The following PSD3 variants were observed in gnomAD, a reference collection of about 807,000 sequenced individuals.
PSD3 encodes PH and SEC7 domain-containing protein 3.
In PSD3, 49 loss-of-function variants were observed where a neutral mutation model predicts 105.5. The observed-to-expected ratio is 0.46, with a 90% CI of 0.37 to 0.59. The LOEUF (loss-of-function observed/expected upper bound fraction) is 0.59, where lower values mean the gene tolerates loss of function less well. Among genes scored for constraint, PSD3 ranks in the 20% least tolerant of loss-of-function variants. PSD3 has a pLI of 0.00. For missense variants in PSD3, 1,561 were observed against 1,263.8 expected (o/e 1.24, Z -3.57); for synonymous variants, 557 against 457.8 (o/e 1.22, Z -2.77).
In PSD3 at chr8:18,556,304, C is replaced by T. The variant is rs745313487; in HGVS notation, c.2833G>A (p.Glu945Lys). The T allele has an allele frequency of 1.9e-5, 31 of 1,613,700 alleles. No homozygotes were observed. The highest frequency in any genetic ancestry group is 1.6e-4 in the Middle Eastern group (1 of 6,084). ...GGATATGAGCGGTGCTCGGCCAGCT[C>T]GGTGGTGATCTGCTTCAGCTTACTT... is the stretch of plus-strand genomic sequence containing the variant. ...HESKLKQITT[E>K]LAEHRSYPPD... Residue 945 changes from glutamate to lysine, a missense_variant, in exon 15 of 16, where the codon GAG becomes AAG. Transcript: ENST00000327040.
chr8:18,750,089 G>C (rs1805348213), intron 9 of PSD3, among the ~76,000 whole-genome samples: 2 of 152,258 alleles, frequency 1.3e-5, no homozygotes, highest in East Asian at 3.9e-4. Context: ...AGTTTGTGGT[G>C]ATTTGTTAAC....
At chr8:18,942,870 C>A (rs527319690) in intron 1 of PSD3, among the ~76,000 whole-genome samples, 1 of 152,140 alleles carries the variant, frequency 6.6e-6, no homozygotes, top group Non-Finnish European at 1.5e-5. Context: ...GATTAGAGGG[C>A]AAAAGGAAAA....
intron 1 of PSD3, among the ~76,000 whole-genome samples, chr8:18,990,285 C>T (rs1010099239): frequency 6.6e-6 from 1 of 152,244 alleles, no homozygotes; most frequent in Non-Finnish European, 1.5e-5. Context: ...CTCCTTTAGC[C>T]GTAAGGCCCT....
chr8:18,623,427 T>C (rs531872965), intron 11 of PSD3, among the ~76,000 whole-genome samples: 75 of 106,478 alleles, frequency 7.0e-4, no homozygotes, highest in African/African-American at 2.6e-3. Flanking sequence ...GTCTGGGCAA[T>C]ATAGTCAGCC....
intron 15 of PSD3, among the ~76,000 whole-genome samples, chr8:18,553,875 A>AGCTTGACAGACAAGTCAACCT (rs1800920427): frequency 6.6e-6 from 1 of 152,176 alleles, no homozygotes; most frequent in African/African-American, 2.4e-5. Flanking sequence ...CAGGTGAAGG[A>AGCTTGACAGACAAGTCAACCT]GCTTGACAGA....
At chr8:18,905,929 T>C (rs1819817245) in intron 2 of PSD3, among the ~76,000 whole-genome samples, 1 of 152,168 alleles carries the variant, frequency 6.6e-6, no homozygotes, top group African/African-American at 2.4e-5. Context: ...AAAGTATAAA[T>C]TGGTTCTTTG....
chr8:18,620,518 T>G (rs1231046896), intron 11 of PSD3, among the ~76,000 whole-genome samples: 2 of 152,056 alleles, frequency 1.3e-5, no homozygotes, highest in Non-Finnish European at 1.5e-5. Context: ...GAGGCCAGCC[T>G]GGGCAACATG....
intron 1 of PSD3, among the ~76,000 whole-genome samples, chr8:19,023,833 G>A (rs536944752): frequency 9.9e-5 from 15 of 152,220 alleles, no homozygotes; most frequent in South Asian, 4.2e-4. Flanking sequence ...AGGATACACC[G>A]GATAAACGAC....
intron 1 of PSD3, among the ~76,000 whole-genome samples, chr8:19,061,535 C>T (rs1057345891): frequency 2.6e-5 from 4 of 151,760 alleles, no homozygotes; most frequent in African/African-American, 7.3e-5. Flanking sequence ...CGGCCAGGTG[C>T]GGAGGCTCAC....
intron 9 of PSD3, among the ~76,000 whole-genome samples, chr8:18,759,962 G>A (rs979048759): frequency 6.6e-6 from 1 of 150,728 alleles, no homozygotes; most frequent in South Asian, 2.1e-4. Context: ...TAGAAATGCA[G>A]AGCAGATTCG....
intron 4 of PSD3, among the ~76,000 whole-genome samples, chr8:18,835,931 T>G (rs1269914849): frequency 1.3e-5 from 2 of 151,890 alleles, no homozygotes; most frequent in Admixed American, 6.6e-5. Flanking sequence ...GGCTCTGGCT[T>G]TGACTCTGAG....
At chr8:18,706,179 C>T (rs1172297759) in intron 9 of PSD3, among the ~76,000 whole-genome samples, 1 of 151,988 alleles carries the variant, frequency 6.6e-6, no homozygotes, top group Non-Finnish European at 1.5e-5. Context: ...AGAGCTCTGC[C>T]ACAGCCGTTC....
At chr8:18,925,111 G>C (rs1338418264) in intron 2 of PSD3, among the ~76,000 whole-genome samples, 2 of 152,202 alleles carry the variant, frequency 1.3e-5, no homozygotes, top group Admixed American at 1.3e-4. Context: ...TATAGAAAGA[G>C]TGCTTTCAAC....
chr8:18,881,773 A>G (rs1344163151), intron 2 of PSD3, among the ~76,000 whole-genome samples: 1 of 152,232 alleles, frequency 6.6e-6, no homozygotes, highest in African/African-American at 2.4e-5. Flanking sequence ...CCACAAAAAT[A>G]TAAACTCTAA....
chr8:18,865,403 A>C (rs1171502182), intron 4 of PSD3, among the ~76,000 whole-genome samples: 3 of 149,938 alleles, frequency 2.0e-5, no homozygotes, highest in Non-Finnish European at 4.4e-5. Flanking sequence ...ACTTCTCCAA[A>C]TCAGCAAGGA....
chr8:18,599,360 C>A (rs1041517073), intron 12 of PSD3, among the ~76,000 whole-genome samples: 15 of 152,252 alleles, frequency 9.9e-5, no homozygotes, highest in Middle Eastern at 3.4e-3. Flanking sequence ...AAACTGAAAA[C>A]AGAACCATAT....
At chr8:18,678,009 C>A (rs79872740) in intron 9 of PSD3, among the ~76,000 whole-genome samples, 486 of 134,544 alleles carry the variant, frequency 3.6e-3, no homozygotes, top group East Asian at 4.8e-3. Flanking sequence ...GACTCTGTCT[C>A]AAAAAAAAAA....
At chr8:18,961,459 C>T (rs977226431) in intron 1 of PSD3, among the ~76,000 whole-genome samples, 29 of 152,130 alleles carry the variant, frequency 1.9e-4, no homozygotes, top group African/African-American at 4.8e-4. Flanking sequence ...GAGGCCAAGG[C>T]GGGCGGATCA....
intron 9 of PSD3, among the ~76,000 whole-genome samples, chr8:18,694,136 C>G (rs1801132172): frequency 6.6e-6 from 1 of 152,192 alleles, no homozygotes; most frequent in Admixed American, 6.5e-5. Flanking sequence ...GGTACCTACT[C>G]AAGCCTGAGG....
Sources: allele counts gnomAD v4.1 joint callset (sites outside exome capture counted in the v4.1 genomes callset), GRCh38; gene constraint gnomAD v4.1.1; transcripts MANE v1.5; gene names NCBI Gene and HGNC (gene_info 2026-07-23, HGNC 2026-07-21).